The following RNF38 variants were observed in gnomAD, a reference collection of about 807,000 sequenced individuals.
The protein encoded by RNF38 is E3 ubiquitin-protein ligase RNF38.
RNF38 carries 15 observed loss-of-function variants against 67.2 expected under a neutral mutation model. That is an observed-to-expected ratio of 0.22 (90% CI 0.15 to 0.34). The LOEUF (loss-of-function observed/expected upper bound fraction) is 0.34. Ranked by LOEUF, RNF38 falls within the 10% of genes least tolerant of loss-of-function variation. RNF38 has a pLI of 1.00. For missense variants in RNF38, 524 were observed against 639.9 expected (o/e 0.82, Z 1.95); for synonymous variants, 220 against 218.8 (o/e 1.01, Z -0.05).
rs1432830337 is a variant in RNF38 at position 36,400,164 on chromosome 9, C to A, written c.-56G>T. The A allele has an allele frequency of 2.5e-6, 4 of 1,601,220 alleles. No homozygotes were observed. Among genetic ancestry groups the A allele is most frequent in the Admixed American group, 1.7e-5 (1 of 57,532 alleles). ...TGGACCTCAATAACCTGAAACACTC[C>A]CGTTTCAAAAACCAACCTCTCTCAC... On this transcript the variant is annotated 5_prime_UTR_variant, in exon 1 of 12. Transcript: ENST00000259605.
chr9:36,456,481 C>T (rs552469082), intron 1 of RNF38, among the ~76,000 whole-genome samples: 4 of 150,798 alleles, frequency 2.7e-5, no homozygotes, highest in East Asian at 3.9e-4. Flanking sequence ...ATAAACATCG[C>T]TAACATCAAT....
At chr9:36,361,200 G>C (rs1455356465) in intron 4 of RNF38, among the ~76,000 whole-genome samples, 1 of 151,648 alleles carries the variant, frequency 6.6e-6, no homozygotes, top group East Asian at 1.9e-4. Context: ...CTGTTTTACT[G>C]GAGTGCAGTG....
At chr9:36,344,644 C>T (rs746008425) in intron 10 of RNF38, among the ~76,000 whole-genome samples, 188 bp downstream of exon 10, 3 of 152,192 alleles carry the variant, frequency 2.0e-5, no homozygotes, top group Non-Finnish European at 2.9e-5. Flanking sequence ...CATTGACTTA[C>T]TGGACAAGCA....
At chr9:36,486,396 G>A (rs938469781) in intron 1 of RNF38, among the ~76,000 whole-genome samples, 2 of 151,982 alleles carry the variant, frequency 1.3e-5, no homozygotes, top group African/African-American at 2.4e-5. Flanking sequence ...TCTTTCTCGG[G>A]GAGTTCTCCA....
intron 9 of RNF38, among the ~76,000 whole-genome samples, chr9:36,348,408 G>A (rs1833458827): frequency 6.6e-6 from 1 of 152,162 alleles, no homozygotes. Flanking sequence ...GGGAGGTTGA[G>A]GCTGTACTGA....
intron 1 of RNF38, among the ~76,000 whole-genome samples, chr9:36,399,166 T>C (rs1279422978): frequency 6.6e-6 from 1 of 152,218 alleles, no homozygotes; most frequent in East Asian, 1.9e-4. Flanking sequence ...AGAGTAATAC[T>C]TGACAATTTA....
In RNF38 at chr9:36,420,152, T is replaced by C. The variant is rs537464335; in HGVS notation, n.312+4461A>G. ...GTACTGCTGTGTGATCTTGGGTAAATATTTAATCTGTGCCTCAGATTCCTC... is the reference window on the plus strand; with the variant it reads ...GTACTGCTGTGTGATCTTGGGTAAACATTTAATCTGTGCCTCAGATTCCTC... On this transcript the variant is annotated intron_variant and non_coding_transcript_variant, in intron 2 of 3. Transcript: ENST00000488058. 8.5e-5 allele frequency among the ~76,000 whole-genome samples: 13 copies of C among 152,286 alleles called. No individual in the cohort carries two copies. The South Asian group carries it at 2.7e-3, about 32-fold the overall frequency.
chr9:36,357,877 G>A lies in RNF38; in HGVS notation c.636C>T (p.Leu212=). ...AAGCAGGGATGTGCTGGCCTGTGCA[G>A]AGTGGAATCCCATGTGGTGCCACTG... ...VTTVAPHGIP[L]CTGQHIPACS... Residue 212 remains leucine (L), a synonymous_variant, in exon 5 of 12, where the codon CTC becomes CTT. Transcript: ENST00000259605. 1 of 1,613,946 alleles carries A rather than the reference G, an allele frequency of 6.2e-7. No individual in the cohort carries two copies. Among genetic ancestry groups the A allele is most frequent in the Non-Finnish European group, 8.5e-7 (1 of 1,179,842 alleles).
At chr9:36,441,701 G>A (rs941134996) in intron 1 of RNF38, among the ~76,000 whole-genome samples, 1 of 137,010 alleles carries the variant, frequency 7.3e-6, no homozygotes, top group African/African-American at 2.9e-5. Context: ...TCTAAGATGC[G>A]TTCATATACA....
chr9:36,345,154 C>T (rs7042226), intron 9 of RNF38, among the ~76,000 whole-genome samples: 53,520 of 151,896 alleles, frequency 0.35, 9,549 homozygotes, highest in Middle Eastern at 0.49. Flanking sequence ...GTATCTGGAG[C>T]TACAATTGCG....
intron 1 of RNF38, among the ~76,000 whole-genome samples, chr9:36,476,208 A>G (rs997369636): frequency 2.0e-5 from 3 of 151,944 alleles, no homozygotes; most frequent in Non-Finnish European, 4.4e-5. Flanking sequence ...CACTGCAACC[A>G]TGGTCTCCCG....
chr9:36,403,738 G>A (rs934286582), upstream of RNF38, among the ~76,000 whole-genome samples: 14 of 152,128 alleles, frequency 9.2e-5, no homozygotes, highest in African/African-American at 3.1e-4. Flanking sequence ...TAATACATGG[G>A]AATAACAGCA....
At position 36,342,350 on chromosome 9, in the gene RNF38, G is replaced by A; in HGVS notation, c.1460C>T (p.Ala487Val). The change falls in exon 11 of 12, where the codon GCC (alanine) becomes GTC (valine). Residue 487 changes from alanine to valine, a missense_variant. Ala to Val is a moderately conservative substitution (Grantham distance 64, BLOSUM62 0). Transcript: ENST00000259605. ...CTTAAGCCATTTGTCAACACACTTG[G>A]CATGGAACTCGTGGTTACAGGGTAA... ...RVLPCNHEFH[A>V]KCVDKWLKAN... The A allele has an allele frequency of 6.2e-7, 1 of 1,612,728 alleles. No homozygotes were observed. Among genetic ancestry groups the A allele is most frequent in the Non-Finnish European group, 8.5e-7 (1 of 1,178,880 alleles).
chr9:36,467,449 G>A (rs76445705), intron 1 of RNF38, among the ~76,000 whole-genome samples: 4,591 of 151,864 alleles, frequency 0.03, 221 homozygotes, highest in African/African-American at 0.099. Context: ...CCAGTGCAAG[G>A]AGGCTGCAGC....
chr9:36,342,011 A>C (rs1277973014), intron 11 of RNF38, among the ~76,000 whole-genome samples: 1 of 152,204 alleles, frequency 6.6e-6, no homozygotes, highest in Non-Finnish European at 1.5e-5. Context: ...AACCTCTGAA[A>C]ATAGAGCTAT....
At chr9:36,412,703 G>A (rs912643460) in intron 2 of RNF38, among the ~76,000 whole-genome samples, 2 of 152,230 alleles carry the variant, frequency 1.3e-5, no homozygotes, top group East Asian at 1.9e-4. Context: ...ACTTTGGGAT[G>A]CCGAGGTGGA....
intron 4 of RNF38, among the ~76,000 whole-genome samples, chr9:36,360,247 TGAC>T (rs1359552979): frequency 1.3e-5 from 2 of 152,230 alleles, no homozygotes; most frequent in Non-Finnish European, 2.9e-5. Context: ...TCTGTTATAA[TGAC>T]AAGAGGTTAT....
chr9:36,446,820 A>AG (rs1564066254), intron 1 of RNF38, among the ~76,000 whole-genome samples: 1 of 141,516 alleles, frequency 7.1e-6, no homozygotes, highest in East Asian at 2.0e-4. Flanking sequence ...GAAAAAAAAA[A>AG]AAAAAAAAAA....
At chr9:36,404,724 A>G (rs1424948341), upstream of RNF38, among the ~76,000 whole-genome samples, 1 of 152,164 alleles carries the variant, frequency 6.6e-6, no homozygotes, top group Non-Finnish European at 1.5e-5. Flanking sequence ...TATACAAACA[A>G]TTCTGTTTAT....
Sources: allele counts gnomAD v4.1 joint callset (sites outside exome capture counted in the v4.1 genomes callset), GRCh38; gene constraint gnomAD v4.1.1; transcripts MANE v1.5; gene names NCBI Gene and HGNC (gene_info 2026-07-23, HGNC 2026-07-21).